The following GPHN variants were observed in gnomAD, a reference collection of about 807,000 sequenced individuals.
GPHN encodes gephyrin.
Under a neutral mutation model 95.5 loss-of-function variants are expected in GPHN, and 17 were observed. That is an observed-to-expected ratio of 0.18 (90% CI 0.12 to 0.27). GPHN has a LOEUF of 0.27. Ranked by LOEUF, GPHN falls within the 10% of genes least tolerant of loss-of-function variation. The pLI is 1.00. For synonymous variants in GPHN, 320 were observed against 322.5 expected, an observed-to-expected ratio of 0.99 and a Z score of 0.08; for missense variants, 660 against 978.1, an observed-to-expected ratio of 0.67 and a Z score of 4.34.
intron 1 of GPHN, among the ~76,000 whole-genome samples, chr14:66,584,192 G>A (rs2061327155): frequency 6.6e-6 from 1 of 151,942 alleles, no homozygotes; most frequent in Non-Finnish European, 1.5e-5. Flanking sequence ...CTGTTTGTCT[G>A]TTATTGGTGT....
intron 4 of GPHN, among the ~76,000 whole-genome samples, chr14:66,848,196 A>G (rs777811040): frequency 2.0e-5 from 3 of 152,088 alleles, no homozygotes; most frequent in Non-Finnish European, 4.4e-5. Context: ...AGCAACATAA[A>G]AACTGCTCAA....
chr14:67,427,225 A>G, the GPHN span, among the ~76,000 whole-genome samples: 2 of 152,312 alleles, frequency 1.3e-5, no homozygotes, highest in East Asian at 3.9e-4. Flanking sequence ...CGTTAACTGT[A>G]AAGCACTATC....
rs115328694 is a variant in GPHN at position 67,158,337 on chromosome 14, C to G, written c.1837-1078C>G. On this transcript the variant is annotated intron_variant, in intron 18 of 22. Coordinates refer to ENST00000478722, the MANE Select transcript of GPHN (RefSeq NM_020806.5). Reference sequence around the variant, plus strand: ...AAAAAAAAAAAAAAAGATACTTTTTCCTAAAAACCAGCAACTTATTAAAGT... The same window carrying G: ...AAAAAAAAAAAAAAAGATACTTTTTGCTAAAAACCAGCAACTTATTAAAGT... 6.4e-3 allele frequency among the ~76,000 whole-genome samples: 961 copies of G among 149,592 alleles called. 15 individuals are homozygous for G. The highest frequency in any genetic ancestry group is 0.019 in the African/African-American group (770 of 40,910).
intron 1 of GPHN, among the ~76,000 whole-genome samples, chr14:66,544,468 T>C (rs1046980120): frequency 6.6e-6 from 1 of 152,248 alleles, no homozygotes; most frequent in East Asian, 1.9e-4. Context: ...TTTTCATCTA[T>C]TAGGTTTGTT....
intron 2 of GPHN, among the ~76,000 whole-genome samples, chr14:66,721,593 G>T (rs371093106): frequency 1.2e-3 from 185 of 152,176 alleles, no homozygotes; most frequent in African/African-American, 4.1e-3. Context: ...CAAATCCTTT[G>T]ATATTTTCCA....
At chr14:66,923,314 G>GTTTAC (rs761755453) in intron 7 of GPHN, among the ~76,000 whole-genome samples, 33 of 151,806 alleles carry the variant, frequency 2.2e-4, no homozygotes, top group Non-Finnish European at 2.9e-4. Context: ...GCAAACTGAA[G>GTTTAC]GTAAAAGACC....
the GPHN span, among the ~76,000 whole-genome samples, chr14:67,566,518 G>A: frequency 3.3e-5 from 5 of 152,160 alleles, no homozygotes; most frequent in Non-Finnish European, 5.9e-5. Context: ...GCAGAAGCAG[G>A]TAGACTGCTT....
At chr14:67,600,785 G>T in the GPHN span, among the ~76,000 whole-genome samples, 1 of 152,072 alleles carries the variant, frequency 6.6e-6, no homozygotes, top group Non-Finnish European at 1.5e-5. Context: ...CACCATGTTG[G>T]CCAGGTTGGT....
the GPHN span, among the ~76,000 whole-genome samples, chr14:67,732,169 G>T: frequency 1.3e-5 from 2 of 151,002 alleles, no homozygotes; most frequent in African/African-American, 4.9e-5. Context: ...GGGTGTGGCG[G>T]CTCATGCCTG....
chr14:66,980,998 G>A lies in GPHN; in HGVS notation c.963+15673G>A, dbSNP rs1445103427. ...CGGGAGGCAGAGGTTGCGGTGAGCC[G>A]AGATTGCGCCATTACATTCCAGCCT... On this transcript the variant is annotated intron_variant, in intron 9 of 22. Coordinates refer to ENST00000478722, the MANE Select transcript of GPHN (RefSeq NM_020806.5). 2.0e-5 allele frequency among the ~76,000 whole-genome samples: 3 copies of A among 152,148 alleles called. No homozygotes were observed. The East Asian group carries it at 5.8e-4, about 29-fold the overall frequency.
At chr14:67,613,832 A>C in the GPHN span, 1 of 167,836 alleles carries the variant, frequency 6.0e-6, no homozygotes, top group Non-Finnish European at 1.3e-5. Context: ...ACCGCTTTGC[A>C]ATCACTGTGG....
chr14:66,939,645 C>T (rs2067306421), intron 8 of GPHN, among the ~76,000 whole-genome samples: 1 of 152,170 alleles, frequency 6.6e-6, no homozygotes, highest in Non-Finnish European at 1.5e-5. Flanking sequence ...CCTCCCCGTG[C>T]CAGTCAGAGA....
chr14:67,690,111 G>T, the GPHN span: 9 of 974,636 alleles, frequency 9.2e-6, no homozygotes, highest in Admixed American at 1.0e-4. Flanking sequence ...ACGGAAGCAG[G>T]TCCTCTCCAG....
chr14:67,444,390 T>C, the GPHN span, among the ~76,000 whole-genome samples: 1 of 152,298 alleles, frequency 6.6e-6, no homozygotes. Flanking sequence ...TTCTGGTAAG[T>C]GTGATGAAGT....
At chr14:66,781,263 C>T (rs1412143680) in intron 3 of GPHN, among the ~76,000 whole-genome samples, 1 of 150,540 alleles carries the variant, frequency 6.6e-6, no homozygotes. Context: ...GTCGCCCGGG[C>T]TTGAGTGCAG....
At chr14:67,400,019 G>A in the GPHN span, among the ~76,000 whole-genome samples, 1 of 152,288 alleles carries the variant, frequency 6.6e-6, no homozygotes, top group Admixed American at 6.5e-5. Flanking sequence ...GCCTAGTATG[G>A]ATTCATATCA....
intron 10 of GPHN, among the ~76,000 whole-genome samples, chr14:67,023,876 T>C (rs551663550): frequency 2.0e-5 from 3 of 152,326 alleles, no homozygotes; most frequent in Non-Finnish European, 4.4e-5. Context: ...TTTTGCAAGC[T>C]GACACCAGAA....
the GPHN span, chr14:67,568,996 A>G: frequency 1.7e-6 from 1 of 597,550 alleles, no homozygotes; most frequent in Admixed American, 3.0e-5. Context: ...GAAATGAAGT[A>G]ACTTGCCCAA....
chr14:67,476,773 C>G, the GPHN span, among the ~76,000 whole-genome samples: 8 of 152,274 alleles, frequency 5.3e-5, no homozygotes, highest in Admixed American at 5.2e-4. Flanking sequence ...AACTCATCCC[C>G]TGCACATGAC....
Sources: gnomAD v4.1 joint callset for allele counts (sites outside exome capture counted in the v4.1 genomes callset) on GRCh38, gnomAD v4.1.1 for gene constraint, MANE v1.5 for transcripts, NCBI Gene and HGNC (gene_info 2026-07-23, HGNC 2026-07-21) for gene names.